SOX5: variants seen among roughly 807,000 people sequenced by gnomAD.
SOX5 encodes the protein SRY-box transcription factor 5.
SOX5 carries 9 observed loss-of-function variants against 92.0 expected under a neutral mutation model. The ratio of observed to expected loss-of-function variants is 0.10; its 90% confidence interval spans 0.06 to 0.17. SOX5 has a LOEUF of 0.17. SOX5 is among the 10% of genes least tolerant of loss of function. The pLI is 1.00. For missense variants in SOX5, 642 were observed against 944.5 expected (o/e 0.68, Z 4.20); for synonymous variants, 344 against 336.3 (o/e 1.02, Z -0.25).
At chr12:23,601,689 C>T (rs941406495) in intron 9 of SOX5, among the ~76,000 whole-genome samples, 10 of 152,198 alleles carry the variant, frequency 6.6e-5, no homozygotes, top group South Asian at 2.1e-4. Context: ...TATGTATAAA[C>T]GTCAATTCCA....
At position 24,279,996 on chromosome 12, in the gene SOX5, A is replaced by G. The variant is rs1286494803; in HGVS notation, c.-173-2684T>C. Among the ~76,000 whole-genome samples, 4 of 152,268 alleles carry G rather than the reference A, an allele frequency of 2.6e-5. No homozygotes were observed. The East Asian group carries it at 7.7e-4, about 29-fold the overall frequency. ...TTAATCATGCTGCTCTTCCTTCTGG[A>G]ATTTCCAACCTACCCATTAAATCAT... is the stretch of plus-strand genomic sequence containing the variant. On this transcript the variant is annotated intron_variant, in intron 2 of 4. Coordinates refer to the SOX5 transcript ENST00000446891.
intron 6 of SOX5, among the ~76,000 whole-genome samples, chr12:23,697,718 T>A (rs1261129632): frequency 6.6e-6 from 1 of 152,012 alleles, no homozygotes; most frequent in East Asian, 1.9e-4. Context: ...GTTTGGCTAA[T>A]TTTTATAGTT....
At chr12:23,538,893 C>T (rs1263551477) in intron 13 of SOX5, among the ~76,000 whole-genome samples, 3 of 148,844 alleles carry the variant, frequency 2.0e-5, no homozygotes, top group East Asian at 2.0e-4. Context: ...CTCCACCTCC[C>T]GGATTCACGC....
chr12:23,987,334 T>C (rs1303391273), intron 4 of SOX5, among the ~76,000 whole-genome samples: 1 of 152,210 alleles, frequency 6.6e-6, no homozygotes, highest in Non-Finnish European at 1.5e-5. Flanking sequence ...GAGCCAGCCA[T>C]ACACAGAGTG....
intron 4 of SOX5, among the ~76,000 whole-genome samples, chr12:23,754,762 C>T (rs531951040): frequency 1.3e-5 from 2 of 151,820 alleles, no homozygotes; most frequent in East Asian, 1.9e-4. Flanking sequence ...AACACTTGCA[C>T]GGACACACAT....
At chr12:24,315,548 C>T (rs1159674876) in intron 2 of SOX5, among the ~76,000 whole-genome samples, 2 of 151,990 alleles carry the variant, frequency 1.3e-5, no homozygotes, top group African/African-American at 4.8e-5. Flanking sequence ...AAAGACATCT[C>T]TTCTTCAAAG....
intron 9 of SOX5, among the ~76,000 whole-genome samples, chr12:23,594,383 T>C (rs1952041820): frequency 1.3e-5 from 2 of 152,142 alleles, no homozygotes; most frequent in South Asian, 4.1e-4. Context: ...CCTCAGGTCC[T>C]AGGACTCCAA....
intron 2 of SOX5, among the ~76,000 whole-genome samples, chr12:24,364,379 C>T (rs942368949): frequency 9.9e-5 from 15 of 151,682 alleles, no homozygotes; most frequent in Non-Finnish European, 2.1e-4. Flanking sequence ...ATTTTTCTTA[C>T]AGTATTTTGA....
At chr12:24,266,815 T>C (rs1480468813) in intron 3 of SOX5, among the ~76,000 whole-genome samples, 1 of 152,224 alleles carries the variant, frequency 6.6e-6, no homozygotes, top group Non-Finnish European at 1.5e-5. Context: ...AGTCTTATCA[T>C]TTAAGATGCA....
intron 1 of SOX5, among the ~76,000 whole-genome samples, chr12:23,913,872 T>C (rs560644908): frequency 6.6e-6 from 1 of 152,314 alleles, no homozygotes; most frequent in African/African-American, 2.4e-5. Context: ...ATATAATTGT[T>C]ACTAATTTCT....
intron 6 of SOX5, among the ~76,000 whole-genome samples, chr12:23,669,320 G>A (rs1039236950): frequency 1.3e-5 from 2 of 152,082 alleles, no homozygotes; most frequent in Non-Finnish European, 2.9e-5. Context: ...AATAGGTAAG[G>A]AGCAGAGACA....
intron 6 of SOX5, among the ~76,000 whole-genome samples, chr12:23,696,033 T>C (rs985366705): frequency 1.3e-5 from 2 of 151,518 alleles, no homozygotes; most frequent in East Asian, 3.9e-4. Context: ...ATTATCCTTC[T>C]TATATATTGC....
intron 3 of SOX5, among the ~76,000 whole-genome samples, chr12:24,246,631 G>A (rs1938797694): frequency 6.6e-6 from 1 of 152,096 alleles, no homozygotes; most frequent in African/African-American, 2.4e-5. Flanking sequence ...AAGAGAAGTA[G>A]TGTACAGGTG....
Position 24,291,405 on chromosome 12 carries a change from A to C in SOX5, c.-173-14093T>G, listed in dbSNP as rs7294799. 4.2e-3 allele frequency among the ~76,000 whole-genome samples: 640 copies of C among 152,382 alleles called. 4 individuals carry two copies. The highest frequency in any genetic ancestry group is 0.015 in the African/African-American group (604 of 41,600). On this transcript the variant is annotated intron_variant, in intron 2 of 4. Transcript: ENST00000446891. ...TGGTACAGCACAGGTAGTTCTCACG[A>C]ATGTCTCTGCAACCAGCCTAACTTC...
At chr12:24,091,779 T>C (rs188341194) in intron 4 of SOX5, among the ~76,000 whole-genome samples, 1 of 152,296 alleles carries the variant, frequency 6.6e-6, no homozygotes, top group Admixed American at 6.5e-5. Context: ...AAAATCCTAG[T>C]TAGGTGGATG....
chr12:23,580,594 A>C (rs1001455659), intron 9 of SOX5, among the ~76,000 whole-genome samples: 3 of 152,074 alleles, frequency 2.0e-5, no homozygotes, highest in African/African-American at 7.2e-5. Flanking sequence ...TTATATAATC[A>C]AATACAAGTC....
Position 23,532,958 on chromosome 12 carries a change from C to A in SOX5, c.*1261G>T. 5.9e-6 allele frequency: 1 copy of A among 170,158 alleles called. No homozygotes were observed. Among genetic ancestry groups the A allele is most frequent in the East Asian group, 1.6e-4 (1 of 6,230 alleles). The allele number at this position is 170,158 out of a possible 1,614,324, so 10.5% of individuals were successfully genotyped here. A position where few individuals can be genotyped will look rare whatever the true frequency, so the allele number is the denominator to read the frequency against. On this transcript the variant is annotated 3_prime_UTR_variant, in exon 15 of 15. Coordinates refer to ENST00000451604, the MANE Select transcript of SOX5 (RefSeq NM_006940.6). ...CACTAAGTAGCAAACGTTAATGGAA[C>A]CAACTGACCAGGGAGAAAGGACATC...
intron 9 of SOX5, among the ~76,000 whole-genome samples, chr12:23,599,634 T>C (rs1440017842): frequency 6.6e-6 from 1 of 152,204 alleles, no homozygotes; most frequent in Non-Finnish European, 1.5e-5. Context: ...TCTTAGGATT[T>C]TCCCAAGAGG....
At chr12:23,626,093 A>T (rs1376942546) in intron 8 of SOX5, among the ~76,000 whole-genome samples, 2 of 150,060 alleles carry the variant, frequency 1.3e-5, no homozygotes, top group Non-Finnish European at 3.0e-5. Context: ...AAATGAAGAA[A>T]AAAGGAAAGA....
Sources: allele counts gnomAD v4.1 joint callset (sites outside exome capture counted in the v4.1 genomes callset), GRCh38; gene constraint gnomAD v4.1.1; transcripts MANE v1.5; gene names NCBI Gene and HGNC (gene_info 2026-07-23, HGNC 2026-07-21).